Variants in ALCAM observed in about 807,000 individuals in gnomAD.
The protein encoded by ALCAM is CD166 antigen.
A neutral mutation model predicts 70.9 loss-of-function variants in ALCAM; 30 were observed. The ratio of observed to expected loss-of-function variants is 0.42; its 90% CI spans 0.32 to 0.57. ALCAM has a LOEUF of 0.57. Among genes scored for constraint, ALCAM ranks in the 20% least tolerant of loss-of-function variants. The pLI, the probability that ALCAM is intolerant of heterozygous loss-of-function variation, is 0.11. For missense variants in ALCAM, 591 were observed against 695.1 expected (o/e 0.85, Z 1.68); for synonymous variants, 249 against 242.5 (o/e 1.03, Z -0.25).
At chr3:105,557,172 T>A (rs1025639710) in intron 14 of ALCAM, among the ~76,000 whole-genome samples, 1 of 150,846 alleles carries the variant, frequency 6.6e-6, no homozygotes, top group Non-Finnish European at 1.5e-5. Flanking sequence ...AAGGGCAGGC[T>A]GACACAGCCT....
intron 1 of ALCAM, among the ~76,000 whole-genome samples, chr3:105,452,104 T>C (rs1048933578): frequency 6.6e-6 from 1 of 152,106 alleles, no homozygotes; most frequent in East Asian, 1.9e-4. Context: ...TTTTTGGTTT[T>C]TTTTTCTTCC....
chr3:105,466,190 A>T (rs1269557490), intron 1 of ALCAM, among the ~76,000 whole-genome samples: 1 of 151,402 alleles, frequency 6.6e-6, no homozygotes, highest in Non-Finnish European at 1.5e-5. Flanking sequence ...AACAATTTGG[A>T]GGAGCTCCTG....
chr3:105,407,505 T>G (rs1367240669), intron 1 of ALCAM, among the ~76,000 whole-genome samples: 1 of 152,124 alleles, frequency 6.6e-6, no homozygotes, highest in Non-Finnish European at 1.5e-5. Flanking sequence ...AAAAGGCATT[T>G]GACAAAATTC....
intron 1 of ALCAM, among the ~76,000 whole-genome samples, chr3:105,490,547 G>C (rs1008697519): frequency 3.3e-5 from 5 of 152,172 alleles, no homozygotes; most frequent in African/African-American, 1.2e-4. Flanking sequence ...GTGTGTGTCT[G>C]TGCATGTGTG....
At chr3:105,502,574 G>A (rs1435821543) in intron 1 of ALCAM, among the ~76,000 whole-genome samples, 1 of 152,204 alleles carries the variant, frequency 6.6e-6, no homozygotes, top group Non-Finnish European at 1.5e-5. Context: ...GCAGAGCAGG[G>A]CACAGTTTGC....
chr3:105,489,277 C>T (rs1449022615), intron 1 of ALCAM, among the ~76,000 whole-genome samples: 1 of 152,074 alleles, frequency 6.6e-6, no homozygotes, highest in African/African-American at 2.4e-5. Flanking sequence ...GGGTGCGGTG[C>T]CGAGATTTTT....
chr3:105,495,864 T>C (rs542337827), intron 1 of ALCAM, among the ~76,000 whole-genome samples: 2 of 152,334 alleles, frequency 1.3e-5, no homozygotes, highest in Admixed American at 1.3e-4. Flanking sequence ...CATGGATGTT[T>C]TCCAAAAGAA....
intron 1 of ALCAM, among the ~76,000 whole-genome samples, chr3:105,369,479 C>G (rs1306634954): frequency 2.0e-5 from 3 of 152,184 alleles, no homozygotes; most frequent in Non-Finnish European, 4.4e-5. Context: ...CGGTGAATTA[C>G]CGAGCTGGCA....
At chr3:105,481,998 G>A (rs1047923004) in intron 1 of ALCAM, among the ~76,000 whole-genome samples, 7 of 149,272 alleles carry the variant, frequency 4.7e-5, no homozygotes, top group South Asian at 2.1e-4. Context: ...AACAGATTTC[G>A]TAGCCGTAGA....
chr3:105,470,314 C>T (rs1937890268), intron 1 of ALCAM, among the ~76,000 whole-genome samples: 2 of 150,254 alleles, frequency 1.3e-5, no homozygotes. Flanking sequence ...AGTATGAAGG[C>T]CAAGATGAGA....
At chr3:105,401,622 G>A (rs1041579374) in intron 1 of ALCAM, among the ~76,000 whole-genome samples, 3 of 152,180 alleles carry the variant, frequency 2.0e-5, no homozygotes, top group African/African-American at 4.8e-5. Context: ...AGAACTTGTA[G>A]TATGTCTAAA....
At chr3:105,379,251 C>A (rs891100755) in intron 1 of ALCAM, among the ~76,000 whole-genome samples, 2 of 151,938 alleles carry the variant, frequency 1.3e-5, no homozygotes, top group African/African-American at 4.8e-5. Context: ...CTAATAATAT[C>A]AGTTATTCAC....
intron 1 of ALCAM, among the ~76,000 whole-genome samples, chr3:105,406,521 A>C (rs1936235760): frequency 6.6e-6 from 1 of 152,148 alleles, no homozygotes; most frequent in Admixed American, 6.6e-5. Context: ...AACCTATCAA[A>C]ACCTCCGGGA....
chr3:105,567,204 A>G (rs1038190382), intron 14 of ALCAM, among the ~76,000 whole-genome samples: 4 of 152,284 alleles, frequency 2.6e-5, no homozygotes, highest in Admixed American at 6.5e-5. Flanking sequence ...TAGTATGTCT[A>G]TGATTAACTT....
intron 1 of ALCAM, among the ~76,000 whole-genome samples, chr3:105,506,507 A>T (rs934054166): frequency 6.6e-6 from 1 of 152,214 alleles, no homozygotes. Flanking sequence ...AATGAGATTC[A>T]TAAACTAAAT....
chr3:105,421,793 C>T (rs1347908716), intron 1 of ALCAM, among the ~76,000 whole-genome samples: 1 of 151,404 alleles, frequency 6.6e-6, no homozygotes, highest in African/African-American at 2.4e-5. Context: ...CAGTGTTGAA[C>T]AATTTTAGCC....
At chr3:105,448,396 G>C (rs980132632) in intron 1 of ALCAM, among the ~76,000 whole-genome samples, 1 of 96,564 alleles carries the variant, frequency 1.0e-5, no homozygotes, top group Non-Finnish European at 2.1e-5. Context: ...GCATTTTGTA[G>C]TCTCCATTAA....
intron 1 of ALCAM, among the ~76,000 whole-genome samples, chr3:105,439,062 G>A (rs1937115104): frequency 6.6e-6 from 1 of 152,158 alleles, no homozygotes; most frequent in African/African-American, 2.4e-5. Flanking sequence ...AAGATGGCTG[G>A]GGGGCCTTAG....
chr3:105,467,855 T>C (rs970192385), intron 1 of ALCAM, among the ~76,000 whole-genome samples: 1 of 151,252 alleles, frequency 6.6e-6, no homozygotes, highest in Non-Finnish European at 1.5e-5. Context: ...ACTGTACATT[T>C]TTACCACTAC....
Sources: allele counts gnomAD v4.1 joint callset (sites outside exome capture counted in the v4.1 genomes callset), GRCh38; gene constraint gnomAD v4.1.1; transcripts MANE v1.5; gene names NCBI Gene and HGNC (gene_info 2026-07-23, HGNC 2026-07-21).